The following ACVR1C variants were observed in gnomAD, a reference collection of about 807,000 sequenced individuals.
ACVR1C encodes activin A receptor type 1C.
Under a neutral mutation model 57.9 loss-of-function variants are expected in ACVR1C, and 23 were observed. That is an observed-to-expected ratio of 0.40 (90% CI 0.29 to 0.56). The LOEUF is 0.56. Among genes scored for constraint, ACVR1C ranks in the 20% least tolerant of loss-of-function variants. ACVR1C has a pLI of 0.50. For synonymous variants in ACVR1C, 214 were observed against 215.3 expected (o/e 0.99, Z 0.05); for missense variants, 480 against 607.9 (o/e 0.79, Z 2.21).
rs183290011 is a variant in ACVR1C at position 157,599,262 on chromosome 2, A to G, written c.74-11845T>C. Among the ~76,000 whole-genome samples, 330 of 125,152 alleles carry G rather than the reference A, an allele frequency of 2.6e-3. 4 individuals are homozygous for G. The highest frequency in any genetic ancestry group is 2.0e-3 in the Non-Finnish European group (126 of 62,900). The allele number at this position is 125,152 out of a possible 152,430, so 82.1% of individuals were successfully genotyped here. On this transcript the variant is annotated intron_variant, in intron 1 of 8. Coordinates refer to ENST00000243349, the MANE Select transcript of ACVR1C (RefSeq NM_145259.3). ...GGCAGGAGAATGGCGTGAACCCGAG[A>G]GGGGGAGCTCGCAGTGGGCCAAGAT...
At position 157,566,520 on chromosome 2, in the gene ACVR1C, G is replaced by A. The variant is rs535850842; in HGVS notation, c.305-10188C>T. Among the ~76,000 whole-genome samples the A allele has an allele frequency of 3.3e-3, 510 of 152,348 alleles. 3 individuals are homozygous for A. Among genetic ancestry groups the A allele is most frequent in the Non-Finnish European group, 4.5e-3 (306 of 68,028 alleles). On this transcript the variant is annotated intron_variant, in intron 2 of 8. Transcript: ENST00000243349. ...TGTGTGTGCCCACCGTGCGCGAGCCGAAGCAGGGCGAGGCATTGCCTCACC... is the reference window on the plus strand; with the variant it reads ...TGTGTGTGCCCACCGTGCGCGAGCCAAAGCAGGGCGAGGCATTGCCTCACC...
At chr2:157,628,178 G>A (rs1162171150) in intron 1 of ACVR1C, among the ~76,000 whole-genome samples, 1 of 152,060 alleles carries the variant, frequency 6.6e-6, no homozygotes, top group Admixed American at 6.5e-5. Context: ...GAGCGCGTCC[G>A]ACGCATACCT....
At chr2:157,611,031 T>G (rs1573954372) in intron 1 of ACVR1C, among the ~76,000 whole-genome samples, 3 of 152,202 alleles carry the variant, frequency 2.0e-5, no homozygotes, top group Admixed American at 2.0e-4. Flanking sequence ...GTAGAATTCC[T>G]TTTTGATTGG....
chr2:157,620,380 C>T (rs986711332), intron 1 of ACVR1C, among the ~76,000 whole-genome samples: 5 of 151,618 alleles, frequency 3.3e-5, no homozygotes, highest in Non-Finnish European at 5.9e-5. Flanking sequence ...TCTTGGAGAA[C>T]GAAAATGGAG....
In ACVR1C at chr2:157,586,236, T is replaced by C. The variant is rs536060416; in HGVS notation, c.304+951A>G. Among the ~76,000 whole-genome samples, 8 of 152,210 alleles carry C rather than the reference T, an allele frequency of 5.3e-5. No individual in the cohort carries two copies. In the South Asian group the frequency reaches 1.7e-3, roughly 32 times the overall value. On this transcript the variant is annotated intron_variant, in intron 2 of 8. Coordinates refer to ENST00000243349, the MANE Select transcript of ACVR1C (RefSeq NM_145259.3). ...AAGTACACTGGTTTTTAATTGGTGG[T>C]AGTGATATTATATTTTATAAAATAA...
intron 2 of ACVR1C, among the ~76,000 whole-genome samples, chr2:157,562,303 A>ATATATAT (rs752059219): frequency 7.7e-6 from 1 of 129,764 alleles, no homozygotes; most frequent in Non-Finnish European, 1.7e-5. Flanking sequence ...CAAAAAAAAA[A>ATATATAT]AAATATATAT....
At chr2:157,587,516 A>G in intron 1 of ACVR1C, 99 bp from the exon 2 acceptor site, 1 of 929,560 alleles carries the variant, frequency 1.1e-6, no homozygotes, top group South Asian at 1.6e-5. Context: ...ATGAAAATGG[A>G]AAAAGGGTTT....
At chr2:157,552,579 C>G (rs1266771409) in intron 3 of ACVR1C, among the ~76,000 whole-genome samples, 2 of 152,192 alleles carry the variant, frequency 1.3e-5, no homozygotes, top group Non-Finnish European at 2.9e-5. Flanking sequence ...CATGCACACT[C>G]ACAGAAACAT....
intron 2 of ACVR1C, among the ~76,000 whole-genome samples, chr2:157,562,193 G>A (rs1186610554): frequency 6.6e-6 from 1 of 151,676 alleles, no homozygotes; most frequent in Admixed American, 6.6e-5. Context: ...TACTTGGGAG[G>A]CTGAGGTAGA....
chr2:157,560,817 T>C (rs991685403), intron 2 of ACVR1C, among the ~76,000 whole-genome samples: 1 of 152,210 alleles, frequency 6.6e-6, no homozygotes, highest in African/African-American at 2.4e-5. Context: ...AAATTACTTC[T>C]CAGAACTTTT....
At chr2:157,619,862 G>A (rs1204997224) in intron 1 of ACVR1C, among the ~76,000 whole-genome samples, 1 of 152,024 alleles carries the variant, frequency 6.6e-6, no homozygotes, top group African/African-American at 2.4e-5. Context: ...CATGGTAAAA[G>A]GAGAGAAAAT....
intron 1 of ACVR1C, chr2:157,597,515 C>T (rs1682160376): frequency 1.0e-6 from 1 of 985,314 alleles, no homozygotes; most frequent in South Asian, 4.7e-5. Flanking sequence ...TCGGCCCCGA[C>T]GACAGCTCCC....
At position 157,612,996 on chromosome 2, in the gene ACVR1C, G is replaced by A. The variant is rs550704890; in HGVS notation, c.73+15576C>T. Among the ~76,000 whole-genome samples the A allele has an allele frequency of 2.6e-5, 4 of 152,344 alleles. No homozygotes were observed. The East Asian group carries it at 7.7e-4, about 29-fold the overall frequency. ...CCCTGTCTAGTGTAATGTTCCCGCAGAGTCTCTAAATCATTGTCCATGTTA... is the reference window on the plus strand; with the variant it reads ...CCCTGTCTAGTGTAATGTTCCCGCAAAGTCTCTAAATCATTGTCCATGTTA... On this transcript the variant is annotated intron_variant, in intron 1 of 8. Coordinates refer to ENST00000243349, the MANE Select transcript of ACVR1C (RefSeq NM_145259.3).
chr2:157,608,491 C>T (rs902767664), intron 1 of ACVR1C, among the ~76,000 whole-genome samples: 2 of 151,620 alleles, frequency 1.3e-5, no homozygotes, highest in African/African-American at 2.4e-5. Context: ...GTATTGCTGG[C>T]CTTAAAAAAT....
intron 1 of ACVR1C, among the ~76,000 whole-genome samples, chr2:157,588,167 CTG>C (rs2105257392): frequency 6.6e-6 from 1 of 151,868 alleles, no homozygotes; most frequent in East Asian, 1.9e-4. Flanking sequence ...ACCAATACAA[CTG>C]TGAAAAATTA....
At chr2:157,555,352 C>T (rs565207223) in intron 3 of ACVR1C, among the ~76,000 whole-genome samples, 22 of 151,706 alleles carry the variant, frequency 1.5e-4, no homozygotes, top group African/African-American at 5.3e-4. Flanking sequence ...ATCTCCTGAC[C>T]TCATGATCCA....
At chr2:157,539,762 C>A (rs1687576842) in intron 7 of ACVR1C, among the ~76,000 whole-genome samples, 1 of 152,114 alleles carries the variant, frequency 6.6e-6, no homozygotes, top group Non-Finnish European at 1.5e-5. Context: ...AGACATAGAG[C>A]TAGTAAGTGG....
intron 2 of ACVR1C, among the ~76,000 whole-genome samples, chr2:157,584,844 G>C (rs1368950189): frequency 6.6e-6 from 1 of 152,182 alleles, no homozygotes; most frequent in African/African-American, 2.4e-5. Flanking sequence ...CACGTCAATG[G>C]ATGAATGGAT....
intron 1 of ACVR1C, among the ~76,000 whole-genome samples, chr2:157,592,975 G>A (rs1352259232): frequency 6.6e-6 from 1 of 152,022 alleles, no homozygotes; most frequent in Non-Finnish European, 1.5e-5. Flanking sequence ...ATAATAAGGA[G>A]GTTTATTAGA....
Sources: allele counts gnomAD v4.1 joint callset (sites outside exome capture counted in the v4.1 genomes callset), GRCh38; gene constraint gnomAD v4.1.1; transcripts MANE v1.5; gene names NCBI Gene and HGNC (gene_info 2026-07-23, HGNC 2026-07-21).